RP1: variants seen among roughly 807,000 people sequenced by gnomAD.
RP1 encodes the protein oxygen-regulated protein 1.
A neutral mutation model predicts 14.8 loss-of-function variants in RP1; 16 were observed. That is an observed-to-expected ratio of 1.08 (90% confidence interval 0.73 to 1.65). The LOEUF is 1.65. Among genes scored for constraint, RP1 ranks in the 40% most tolerant of loss-of-function variants. The probability of loss-of-function intolerance (pLI) is 0.00; values close to 1 mark genes in which losing one functional copy is unlikely to be tolerated. For synonymous variants in RP1, 876 were observed against 883.6 expected (o/e 0.99, Z 0.15); for missense variants, 2,631 against 2,535.0 (o/e 1.04, Z -0.81).
chr8:54,805,153 T>C (rs1810817506), intron 24 of RP1, among the ~76,000 whole-genome samples: 1 of 152,236 alleles, frequency 6.6e-6, no homozygotes, highest in Non-Finnish European at 1.5e-5. Context: ...GAGATTGCTT[T>C]AGATCATCCT....
At chr8:54,744,594 TTTA>T (rs1280067710) in intron 19 of RP1, among the ~76,000 whole-genome samples, 1 of 152,174 alleles carries the variant, frequency 6.6e-6, no homozygotes, top group Non-Finnish European at 1.5e-5. Flanking sequence ...CTACAAATAT[TTTA>T]TTACCATCTC....
At chr8:54,614,403 G>A (rs1181866412), upstream of RP1, among the ~76,000 whole-genome samples, 2 of 152,040 alleles carry the variant, frequency 1.3e-5, no homozygotes, top group African/African-American at 2.4e-5. Context: ...TATCAAAGGC[G>A]GGCCAGGGCC....
At chr8:54,584,576 GA>G (rs1352973861) in intron 1 of RP1, among the ~76,000 whole-genome samples, 1 of 152,154 alleles carries the variant, frequency 6.6e-6, no homozygotes, top group Non-Finnish European at 1.5e-5. Context: ...CTGTCTAGTT[GA>G]TCTGTCTGAT....
At chr8:54,822,171 T>C (rs1425343576) in intron 24 of RP1, among the ~76,000 whole-genome samples, 1 of 152,232 alleles carries the variant, frequency 6.6e-6, no homozygotes, top group Non-Finnish European at 1.5e-5. Flanking sequence ...TAATTATTTA[T>C]TAGTTTTAAC....
rs545934207 is a variant in RP1, at chr8:54,697,079, A to T, written c.1718-2388A>T. The T allele has an allele frequency of 5.1e-6, 8 of 1,576,018 alleles. No individual in the cohort carries two copies. The South Asian group carries it at 7.7e-5, about 15-fold the overall frequency. On this transcript the variant is annotated intron_variant, in intron 12 of 22. Transcript: ENST00000636932. The stretch of plus-strand genomic sequence containing the variant: ...AAATAGAGTGGGCTTCCTCAAGGAG[A>T]TGGGCACACCTGGCTATCGGGGTGA...
intron 24 of RP1, among the ~76,000 whole-genome samples, chr8:54,788,736 G>T (rs546311643): frequency 4.1e-4 from 62 of 152,234 alleles, no homozygotes; most frequent in Non-Finnish European, 7.6e-4. Context: ...CCCTTAAATA[G>T]AAAATAAATT....
At chr8:54,825,615 T>C (rs1811370670) in intron 24 of RP1, among the ~76,000 whole-genome samples, 1 of 152,354 alleles carries the variant, frequency 6.6e-6, no homozygotes, top group South Asian at 2.1e-4. Flanking sequence ...TACATGTCTA[T>C]CAGACCCTGC....
intron 24 of RP1, among the ~76,000 whole-genome samples, chr8:54,793,254 G>A (rs904162811): frequency 6.6e-6 from 1 of 151,702 alleles, no homozygotes; most frequent in African/African-American, 2.4e-5. Context: ...AACATTTAAG[G>A]AATAATTAAT....
chr8:54,698,950 A>T (rs961617605), intron 12 of RP1, among the ~76,000 whole-genome samples: 2 of 152,172 alleles, frequency 1.3e-5, no homozygotes, highest in Non-Finnish European at 2.9e-5. Flanking sequence ...TGATGAGTTG[A>T]TGGGTGCAGC....
chr8:54,685,958 G>A (rs1807554596), intron 12 of RP1, among the ~76,000 whole-genome samples: 5 of 152,168 alleles, frequency 3.3e-5, no homozygotes. Context: ...AGCCCCAGCT[G>A]AATCTCCAAC....
intron 23 of RP1, among the ~76,000 whole-genome samples, chr8:54,781,375 T>G (rs1418553022): frequency 6.6e-6 from 1 of 152,114 alleles, no homozygotes; most frequent in African/African-American, 2.4e-5. Flanking sequence ...TTGATATGAG[T>G]CCTTGGGGTT....
chr8:54,783,808 T>A (rs1483479386), intron 24 of RP1: 1 of 781,384 alleles, frequency 1.3e-6, no homozygotes, highest in Non-Finnish European at 1.7e-6. Context: ...TCTTTTGGTA[T>A]TGCATTTGCA....
At chr8:54,861,511 AT>A (rs1812341685) in intron 27 of RP1, among the ~76,000 whole-genome samples, 1 of 152,242 alleles carries the variant, frequency 6.6e-6, no homozygotes, top group African/African-American at 2.4e-5. Flanking sequence ...ATAGTAATAC[AT>A]AATTAATCTG....
intron 24 of RP1, among the ~76,000 whole-genome samples, chr8:54,821,267 T>A (rs1413610460): frequency 6.6e-6 from 1 of 152,172 alleles, no homozygotes; most frequent in African/African-American, 2.4e-5. Context: ...GACTATCATA[T>A]ATAAATGAAA....
intron 1 of RP1, among the ~76,000 whole-genome samples, chr8:54,581,440 A>G (rs1484344425): frequency 1.3e-5 from 2 of 152,140 alleles, no homozygotes; most frequent in African/African-American, 2.4e-5. Context: ...AGTCTTTGCT[A>G]TTGTGAATAG....
exon 19 of RP1, chr8:54,738,991 G>A (rs750680598): frequency 5.9e-6 from 9 of 1,531,796 alleles, no homozygotes; most frequent in Non-Finnish European, 7.9e-6. Context: ...GATAGGACAT[G>A]ATGGAACCAG....
At chr8:54,762,119 T>C (rs1044212440) in intron 22 of RP1, among the ~76,000 whole-genome samples, 1 of 152,122 alleles carries the variant, frequency 6.6e-6, no homozygotes, top group East Asian at 1.9e-4. Flanking sequence ...ATGCTGGGCA[T>C]GTTCACTGTG....
chr8:54,777,107 T>C (rs920173384), intron 23 of RP1, among the ~76,000 whole-genome samples: 3 of 152,222 alleles, frequency 2.0e-5, no homozygotes, highest in Non-Finnish European at 2.9e-5. Flanking sequence ...TAGGTAATAG[T>C]AGAAACTCTT....
intron 3 of RP1, among the ~76,000 whole-genome samples, chr8:54,642,606 C>A (rs1157320509): frequency 6.6e-6 from 1 of 152,022 alleles, no homozygotes; most frequent in African/African-American, 2.4e-5. Context: ...AAATTTAACT[C>A]ATTCTGTATT....
Sources: gnomAD v4.1 joint callset for allele counts (sites outside exome capture counted in the v4.1 genomes callset) on GRCh38, gnomAD v4.1.1 for gene constraint, MANE v1.5 for transcripts, NCBI Gene and HGNC (gene_info 2026-07-23, HGNC 2026-07-21) for gene names.